SPAG16: variants seen among roughly 807,000 people sequenced by gnomAD.
SPAG16 encodes sperm associated antigen 16, also known as sperm-associated antigen 16 protein.
SPAG16 carries 86 observed loss-of-function variants against 80.4 expected under a neutral mutation model. The ratio of observed to expected loss-of-function variants is 1.07; its 90% confidence interval spans 0.90 to 1.28. SPAG16 has a LOEUF of 1.28. SPAG16 is among the 50% of genes most tolerant of loss of function. SPAG16 has a pLI of 0.00. For synonymous variants in SPAG16, 294 were observed against 265.9 expected, an observed-to-expected ratio of 1.11 and a Z score of -1.03; for missense variants, 870 against 765.3, an observed-to-expected ratio of 1.14 and a Z score of -1.61.
At chr2:213,332,469 A>G (rs755343049) in intron 5 of SPAG16, among the ~76,000 whole-genome samples, 2 of 152,160 alleles carry the variant, frequency 1.3e-5, no homozygotes, top group African/African-American at 2.4e-5. Flanking sequence ...TTAAAGAACT[A>G]ACACCAGTGT....
At chr2:213,517,711 C>A (rs2075488304) in intron 10 of SPAG16, among the ~76,000 whole-genome samples, 1 of 152,066 alleles carries the variant, frequency 6.6e-6, no homozygotes, top group Admixed American at 6.6e-5. Flanking sequence ...AGAAAGGGCT[C>A]CCTGTTCAAT....
chr2:213,434,291 T>C (rs1361826957), intron 9 of SPAG16, among the ~76,000 whole-genome samples: 2 of 152,120 alleles, frequency 1.3e-5, no homozygotes, highest in African/African-American at 4.8e-5. Flanking sequence ...ACTAGACTCC[T>C]ATCTCTCAGC....
chr2:213,999,479 G>T (rs1236208794), intron 12 of SPAG16, among the ~76,000 whole-genome samples: 2 of 152,228 alleles, frequency 1.3e-5, no homozygotes, highest in South Asian at 2.1e-4. Context: ...GAAGTTTGCT[G>T]CAGGGGCAGG....
intron 10 of SPAG16, among the ~76,000 whole-genome samples, chr2:213,672,474 G>A (rs1326284273): frequency 6.6e-6 from 1 of 151,772 alleles, no homozygotes; most frequent in East Asian, 1.9e-4. Context: ...AAGAACCTCT[G>A]GAACTATATT....
At chr2:214,015,696 G>T (rs1287403304) in intron 13 of SPAG16, among the ~76,000 whole-genome samples, 1 of 152,120 alleles carries the variant, frequency 6.6e-6, no homozygotes, top group Admixed American at 6.6e-5. Flanking sequence ...AGTATGAGGA[G>T]GCTTGTCTGA....
intron 9 of SPAG16, among the ~76,000 whole-genome samples, chr2:213,400,997 T>C (rs2068280809): frequency 6.6e-6 from 1 of 152,040 alleles, no homozygotes. Flanking sequence ...TTTGTCAAGA[T>C]AGAGTTTTGT....
intron 9 of SPAG16, among the ~76,000 whole-genome samples, chr2:213,387,654 C>G: frequency 6.7e-6 from 1 of 149,906 alleles, no homozygotes; most frequent in East Asian, 1.9e-4. Flanking sequence ...CGGGGTTTCA[C>G]CATTTTGGCC....
intron 12 of SPAG16, among the ~76,000 whole-genome samples, chr2:213,982,671 A>G (rs902027475): frequency 4.8e-5 from 7 of 145,520 alleles, no homozygotes; most frequent in African/African-American, 1.0e-4. Context: ...GGTGGTGTCT[A>G]TGACATACTA....
intron 14 of SPAG16, among the ~76,000 whole-genome samples, chr2:214,133,390 G>T (rs1559831071): frequency 6.6e-6 from 1 of 152,178 alleles, no homozygotes; most frequent in African/African-American, 2.4e-5. Flanking sequence ...CCAAGGCTGG[G>T]TGTGGTGGCT....
intron 10 of SPAG16, among the ~76,000 whole-genome samples, chr2:213,856,920 T>C (rs2075197332): frequency 6.6e-6 from 1 of 152,136 alleles, no homozygotes; most frequent in African/African-American, 2.4e-5. Flanking sequence ...AGATAATGAA[T>C]GAAGGTGGCT....
chr2:213,420,510 A>G (rs2069519979), intron 9 of SPAG16, among the ~76,000 whole-genome samples: 1 of 152,254 alleles, frequency 6.6e-6, no homozygotes, highest in Non-Finnish European at 1.5e-5. Context: ...TTCACTCTGA[A>G]AGTCAAAGGC....
chr2:213,966,457 G>A (rs1005789031), intron 12 of SPAG16, among the ~76,000 whole-genome samples: 1 of 152,090 alleles, frequency 6.6e-6, no homozygotes, highest in African/African-American at 2.4e-5. Flanking sequence ...TGTTAGAAGA[G>A]GAGAAGCAAA....
At chr2:213,886,471 G>A (rs1026782103) in intron 11 of SPAG16, among the ~76,000 whole-genome samples, 1 of 151,966 alleles carries the variant, frequency 6.6e-6, no homozygotes, top group African/African-American at 2.4e-5. Context: ...GCATTTTAAG[G>A]TGTCACTTTC....
chr2:214,316,762 A>G (rs1339747840), intron 15 of SPAG16, among the ~76,000 whole-genome samples: 2 of 152,174 alleles, frequency 1.3e-5, no homozygotes, highest in Non-Finnish European at 2.9e-5. Flanking sequence ...AATGTTACAT[A>G]ATATAAATCC....
intron 10 of SPAG16, among the ~76,000 whole-genome samples, chr2:213,565,678 G>C (rs1216204248): frequency 6.6e-6 from 1 of 152,216 alleles, no homozygotes; most frequent in East Asian, 1.9e-4. Flanking sequence ...AATAAGGCCT[G>C]CCAAGAGACA....
chr2:213,438,725 AG>A (rs1158279146), intron 9 of SPAG16, among the ~76,000 whole-genome samples: 1 of 152,226 alleles, frequency 6.6e-6, no homozygotes, highest in Non-Finnish European at 1.5e-5. Context: ...TATATGTAAA[AG>A]GGGATTTTTA....
chr2:214,250,777 G>GAT (rs1690228932), intron 15 of SPAG16, among the ~76,000 whole-genome samples: 1 of 145,812 alleles, frequency 6.9e-6, no homozygotes, highest in Non-Finnish European at 1.5e-5. Flanking sequence ...GAGAGAGAGA[G>GAT]AGAGAGAGAG....
chr2:214,374,091 A>G (rs1699982550), intron 15 of SPAG16, among the ~76,000 whole-genome samples: 1 of 152,216 alleles, frequency 6.6e-6, no homozygotes, highest in African/African-American at 2.4e-5. Flanking sequence ...CAATGGGGTT[A>G]AGAAGGTAGG....
At chr2:214,202,629 C>T (rs180758588) in intron 15 of SPAG16, among the ~76,000 whole-genome samples, 69 of 152,212 alleles carry the variant, frequency 4.5e-4, no homozygotes, top group Admixed American at 2.2e-3. Flanking sequence ...GAAGTGATCA[C>T]GAAGCCACAT....
Sources: gnomAD v4.1 joint callset for allele counts (sites outside exome capture counted in the v4.1 genomes callset) on GRCh38, gnomAD v4.1.1 for gene constraint, MANE v1.5 for transcripts, NCBI Gene and HGNC (gene_info 2026-07-23, HGNC 2026-07-21) for gene names.